RUBCNL: variants seen among roughly 807,000 people sequenced by gnomAD.
The protein encoded by RUBCNL is rubicon like autophagy enhancer, also known as protein associated with UVRAG as autophagy enhancer.
A neutral mutation model predicts 69.5 loss-of-function variants in RUBCNL; 62 were observed. The ratio of observed to expected loss-of-function variants is 0.89; its 90% confidence interval spans 0.73 to 1.10. RUBCNL has a LOEUF of 1.10. RUBCNL is among the 50% of genes least tolerant of loss of function. RUBCNL has a pLI of 0.00. For missense variants in RUBCNL, 768 were observed against 798.1 expected (o/e 0.96, Z 0.45); for synonymous variants, 291 against 303.6 (o/e 0.96, Z 0.43).
At chr13:46,362,266 T>C (rs976695190) in intron 7 of RUBCNL, among the ~76,000 whole-genome samples, 1 of 151,864 alleles carries the variant, frequency 6.6e-6, no homozygotes, top group African/African-American at 2.4e-5. Flanking sequence ...AACATAAATA[T>C]ACACACACAT....
chr13:46,362,934 A>C lies in RUBCNL; in HGVS notation c.925+181T>G, dbSNP rs1452385413. 1.7e-4 allele frequency among the ~76,000 whole-genome samples: 8 copies of C among 47,562 alleles called. 1 individual carries two copies. In the South Asian group the frequency reaches 2.1e-3, roughly 13 times the overall value. The allele number at this position is 47,562 out of a possible 152,430, so 31.2% of individuals were successfully genotyped here. A position where few individuals can be genotyped will look rare whatever the true frequency, so the allele number is the denominator to read the frequency against. On this transcript the variant is annotated intron_variant, in intron 6 of 14. Coordinates refer to ENST00000429979, the MANE Select transcript of RUBCNL (RefSeq NM_025113.5). ...TGAAACAAGAACATCATATATATAT[A>C]TATAGATATATATATATATATATAT... is the stretch of plus-strand genomic sequence containing the variant.
chr13:46,350,149 G>C lies in RUBCNL; in HGVS notation c.1533C>G (p.Ser511Arg). The change falls in exon 11 of 15, where the codon AGC (serine) becomes AGG (arginine). Residue 511 changes from serine (S) to arginine (R), a missense_variant. Ser to Arg is a moderately radical substitution (Grantham distance 110). Coordinates refer to ENST00000429979, the MANE Select transcript of RUBCNL (RefSeq NM_025113.5). ...PIFNLLSIGQ[S>R]LYAKAKELDR... is the part of the protein sequence containing the mutation. Reference sequence around the variant, plus strand: ...CCAGCTCCTTGGCTTTCGCATACAGGCTTTGGCCGATGCTCAGCAAATTGA... The same window carrying C: ...CCAGCTCCTTGGCTTTCGCATACAGCCTTTGGCCGATGCTCAGCAAATTGA... 1 of 1,579,600 alleles carries C rather than the reference G, an allele frequency of 6.3e-7. No homozygotes were observed. The highest frequency in any genetic ancestry group is 1.2e-5 in the South Asian group (1 of 86,172).
At chr13:46,364,835 TAGAA>T (rs1483366220) in intron 5 of RUBCNL, among the ~76,000 whole-genome samples, 1 of 152,106 alleles carries the variant, frequency 6.6e-6, no homozygotes, top group East Asian at 1.9e-4. Flanking sequence ...ATTTGGAGGA[TAGAA>T]ATATTCTTAA....
At chr13:46,356,893 T>A (rs76853638) in intron 9 of RUBCNL, among the ~76,000 whole-genome samples, 1 of 132,748 alleles carries the variant, frequency 7.5e-6, no homozygotes, top group African/African-American at 2.9e-5. Flanking sequence ...CTTTATTTAC[T>A]TTTTTTTTTT....
Position 46,350,273 on chromosome 13 carries a change from C to T in RUBCNL, c.1409G>A (p.Cys470Tyr). The T allele has an allele frequency of 6.3e-7, 1 of 1,587,224 alleles. No homozygotes were observed. The highest frequency in any genetic ancestry group is 8.6e-7 in the Non-Finnish European group (1 of 1,166,340). Residue 470 changes from cysteine (C) to tyrosine (Y), a missense_variant, in exon 11 of 15, where the codon TGC becomes TAC. Transcript: ENST00000429979. ...CATCATCAGGATTCGGGCAGGGATG[C>T]ACGACTCTGCATATGAGTGGCAGCA... ...CDCCHSYAESCIPARILMMWD... is the reference protein window; with the variant it reads ...CDCCHSYAESYIPARILMMWD...
intron 11 of RUBCNL, among the ~76,000 whole-genome samples, chr13:46,349,651 A>C (rs779231078): frequency 2.7e-5 from 4 of 150,868 alleles, no homozygotes; most frequent in Admixed American, 1.3e-4. Context: ...TGTGCAGGAG[A>C]GGGGCTCCAA....
At chr13:46,359,968 C>T (rs944861730) in intron 8 of RUBCNL, among the ~76,000 whole-genome samples, 3 of 152,182 alleles carry the variant, frequency 2.0e-5, no homozygotes, top group African/African-American at 7.2e-5. Context: ...CTGACAAATG[C>T]TACCAATCAG....
chr13:46,362,963 T>TATATATAG (rs1555253851), intron 6 of RUBCNL, among the ~76,000 whole-genome samples, 152 bp downstream of exon 6: 20 of 98,704 alleles, frequency 2.0e-4, no homozygotes, highest in South Asian at 1.2e-3. Context: ...TATATATATA[T>TATATATAG]ATATATATAT....
At chr13:46,377,603 C>T (rs2049023164) in intron 2 of RUBCNL, among the ~76,000 whole-genome samples, 1 of 152,144 alleles carries the variant, frequency 6.6e-6, no homozygotes. Context: ...GTTAATAGTT[C>T]AAAGAGAATG....
chr13:46,362,943 T>TATATAG (rs2048656048), intron 6 of RUBCNL, among the ~76,000 whole-genome samples, 172 bp downstream of exon 6: 2 of 56,710 alleles, frequency 3.5e-5, no homozygotes, highest in South Asian at 9.6e-4. Flanking sequence ...TATATAGATA[T>TATATAG]ATATATATAT....
chr13:46,367,084 T>A (rs1046334624), intron 5 of RUBCNL, among the ~76,000 whole-genome samples: 1 of 151,884 alleles, frequency 6.6e-6, no homozygotes, highest in Non-Finnish European at 1.5e-5. Context: ...ACTTAAGAAA[T>A]GGTAAGAAAG....
At position 46,350,316 on chromosome 13, in the gene RUBCNL, C is replaced by G; in HGVS notation, c.1366G>C (p.Gly456Arg). 6.4e-7 allele frequency: 1 copy of G among 1,565,174 alleles called. No individual in the cohort carries two copies. Among genetic ancestry groups the G allele is most frequent in the Non-Finnish European group, 8.7e-7 (1 of 1,153,436 alleles). ...TGGCAGCAGTCACAGAAATACTTCC[C>G]TAGGTATTCGCAGTACCGGAGCCGC... is the stretch of plus-strand genomic sequence containing the variant. ...VKRLRYCEYL[G>R]KYFCDCCHSY... Residue 456 changes from glycine (G) to arginine (R), a missense_variant, in exon 11 of 15, where the codon GGG (glycine) becomes CGG (arginine). Coordinates refer to ENST00000429979, the MANE Select transcript of RUBCNL (RefSeq NM_025113.5).
intron 10 of RUBCNL, among the ~76,000 whole-genome samples, chr13:46,353,661 G>T (rs567015277): frequency 1.3e-4 from 20 of 152,244 alleles, no homozygotes; most frequent in African/African-American, 4.6e-4. Context: ...CAAAGTCCAT[G>T]GTACTGAAGT....
In RUBCNL at chr13:46,341,895, T is replaced by C. The variant is rs890370226; in HGVS notation, c.*1490A>G. The C allele has an allele frequency of 6.6e-6, 1 of 152,234 alleles. No individual in the cohort carries two copies. The highest frequency in any genetic ancestry group is 2.4e-5 in the African/African-American group (1 of 41,470). The allele number at this position is 152,234 out of a possible 1,614,324, so 9.4% of individuals were successfully genotyped here. A position where few individuals can be genotyped will look rare whatever the true frequency, so the allele number is the denominator to read the frequency against. On this transcript the variant is annotated 3_prime_UTR_variant, in exon 15 of 15. Transcript: ENST00000429979. Reference sequence around the variant, plus strand: ...TTCTCTAGGCCTCAGTTTCCTTGCCTGTAAATGGAGATATAGACATCTGCC... The same window carrying C: ...TTCTCTAGGCCTCAGTTTCCTTGCCCGTAAATGGAGATATAGACATCTGCC...
rs550820338 is a variant in RUBCNL, at chr13:46,339,598, C to T, written c.*3787G>A. Among the ~76,000 whole-genome samples the T allele has an allele frequency of 6.6e-6, 1 of 152,158 alleles. No individual in the cohort carries two copies. Among genetic ancestry groups the T allele is most frequent in the Admixed American group, 6.5e-5 (1 of 15,274 alleles). On this transcript the variant is annotated 3_prime_UTR_variant, in exon 15 of 15. Transcript: ENST00000429979. ...ACAGGGTCAGGCGCAGTGGCTCAGG[C>T]CTGTAATCCCAGCACTTTTGGAAGC...
At chr13:46,384,590 T>C (rs1023866145) in intron 1 of RUBCNL, among the ~76,000 whole-genome samples, 1 of 152,164 alleles carries the variant, frequency 6.6e-6, no homozygotes, top group African/African-American at 2.4e-5. Context: ...TGAGGTCTAA[T>C]TTACATTTAC....
intron 2 of RUBCNL, among the ~76,000 whole-genome samples, chr13:46,376,206 T>G (rs1338947122): frequency 2.6e-5 from 4 of 152,132 alleles, no homozygotes; most frequent in African/African-American, 9.7e-5. Context: ...GCGCAGATTT[T>G]CAACTGCACA....
chr13:46,345,404 C>A, intron 13 of RUBCNL, 43 bp downstream of exon 13: 1 of 1,545,112 alleles, frequency 6.5e-7, no homozygotes. Context: ...CCAGCACAGG[C>A]CCTGGTGCAT....
Position 46,334,816 on chromosome 13 carries a change from C to G in RUBCNL, c.*8569G>C, listed in dbSNP as rs1435682920. 2.0e-5 allele frequency among the ~76,000 whole-genome samples: 3 copies of G among 152,118 alleles called. No homozygotes were observed. The highest frequency in any genetic ancestry group is 7.2e-5 in the African/African-American group (3 of 41,430). ...TTGTCAGCATTTTACAAATAGGAAA[C>G]CGGAGTCTTAAGAAATTTGAGCAAC... On this transcript the variant is annotated 3_prime_UTR_variant, in exon 15 of 15. Coordinates refer to ENST00000429979, the MANE Select transcript of RUBCNL (RefSeq NM_025113.5).
Sources: gnomAD v4.1 joint callset for allele counts (sites outside exome capture counted in the v4.1 genomes callset) on GRCh38, gnomAD v4.1.1 for gene constraint, MANE v1.5 for transcripts, NCBI Gene and HGNC (gene_info 2026-07-23, HGNC 2026-07-21) for gene names.